Variants in CHRM3 observed in about 807,000 individuals in gnomAD.
CHRM3 encodes muscarinic acetylcholine receptor M3.
Under a neutral mutation model 41.8 loss-of-function variants are expected in CHRM3, and 11 were observed. That is an observed-to-expected ratio of 0.26 (90% confidence interval 0.17 to 0.44). CHRM3 has a LOEUF of 0.44. Ranked by LOEUF, CHRM3 falls within the 20% of genes least tolerant of loss-of-function variation. CHRM3 has a pLI of 1.00. For synonymous variants in CHRM3, 297 were observed against 301.4 expected, an observed-to-expected ratio of 0.99 and a Z score of 0.15; for missense variants, 571 against 745.4, an observed-to-expected ratio of 0.77 and a Z score of 2.72.
rs368063519 is a variant in CHRM3, at chr1:239,771,288, T to G, written c.-146-55964T>G. Among the ~76,000 whole-genome samples the G allele has an allele frequency of 1.3e-4, 20 of 152,284 alleles. 2 individuals are homozygous for G. Among genetic ancestry groups the G allele is most frequent in the African/African-American group, 4.6e-4 (19 of 41,560 alleles). On this transcript the variant is annotated intron_variant, in intron 5 of 6. Coordinates refer to ENST00000676153, the MANE Select transcript of CHRM3 (RefSeq NM_001375978.1). The stretch of plus-strand genomic sequence containing the variant: ...AAATATCTCTTCAGTTCTAGCCTCC[T>G]TCCGTTTGCACCTTTGGGCTTGCCT...
At chr1:239,432,518 G>A (rs1029703764) in intron 1 of CHRM3, among the ~76,000 whole-genome samples, 7 of 152,190 alleles carry the variant, frequency 4.6e-5, no homozygotes, top group Non-Finnish European at 8.8e-5. Flanking sequence ...TGTAGATGAT[G>A]AGCAGAGTTG....
chr1:239,821,549 G>A (rs1329105741), intron 5 of CHRM3, among the ~76,000 whole-genome samples: 1 of 152,164 alleles, frequency 6.6e-6, no homozygotes, highest in Non-Finnish European at 1.5e-5. Context: ...GGAACCAAGT[G>A]GCAGGGGCCC....
At chr1:239,669,805 T>C (rs1674179411) in intron 4 of CHRM3, among the ~76,000 whole-genome samples, 1 of 152,194 alleles carries the variant, frequency 6.6e-6, no homozygotes. Flanking sequence ...TACAAGCATA[T>C]TCAAAAGCAG....
At chr1:239,577,175 A>G (rs567321831) in intron 3 of CHRM3, among the ~76,000 whole-genome samples, 1 of 152,096 alleles carries the variant, frequency 6.6e-6, no homozygotes, top group South Asian at 2.1e-4. Flanking sequence ...TGTGTTGTCT[A>G]CTATTTTCTT....
At chr1:239,412,840 G>A (rs930666975) in intron 1 of CHRM3, among the ~76,000 whole-genome samples, 5 of 151,902 alleles carry the variant, frequency 3.3e-5, no homozygotes, top group African/African-American at 1.2e-4. Flanking sequence ...TCAGACTTTG[G>A]GAGGTCGAGG....
At chr1:239,807,183 T>C (rs1018577720) in intron 5 of CHRM3, among the ~76,000 whole-genome samples, 3 of 152,254 alleles carry the variant, frequency 2.0e-5, no homozygotes, top group Non-Finnish European at 2.9e-5. Flanking sequence ...TGGAAGATTA[T>C]GTGACTTTTT....
chr1:239,792,480 C>T lies in CHRM3; in HGVS notation c.-146-34772C>T, dbSNP rs534562716. ...AGAGAAAAAAAGTCACTTGCTCTCA[C>T]ATAGATCCAAGTCAAAACAAACCCT... On this transcript the variant is annotated intron_variant, in intron 5 of 6. Transcript: ENST00000676153. Among the ~76,000 whole-genome samples, 213 of 152,328 alleles carry T rather than the reference C, an allele frequency of 1.4e-3. 1 individual carries two copies. Among genetic ancestry groups the T allele is most frequent in the Non-Finnish European group, 2.4e-3 (161 of 68,030 alleles).
In CHRM3 at chr1:239,907,783, C is replaced by T. The variant is rs746011951; in HGVS notation, c.332C>T (p.Ala111Val). 6.2e-7 allele frequency: 1 copy of T among 1,614,186 alleles called. No homozygotes were observed. The highest frequency in any genetic ancestry group is 1.1e-5 in the South Asian group (1 of 91,078). The change falls in exon 7 of 7, where the codon GCC becomes GTC. Residue 111 changes from alanine to valine, a missense_variant. This residue lies in a region of CHRM3 where 153 missense variants were observed against 296.3 expected (regional missense o/e 0.52). Transcript: ENST00000676153. The surrounding 1 kb of genome is among the most constrained non-coding windows in gnomAD (Gnocchi z 5.4). ...AACAACTACTTCCTCTTAAGCCTGG[C>T]CTGTGCCGATCTGATTATCGGGGTC... ...TVNNYFLLSL[A>V]CADLIIGVIS... is the part of the protein sequence containing the mutation.
chr1:239,482,456 C>A (rs1048251383), intron 1 of CHRM3, among the ~76,000 whole-genome samples: 2 of 152,184 alleles, frequency 1.3e-5, no homozygotes, highest in African/African-American at 4.8e-5. Context: ...TCTGGTTGAG[C>A]TATAGTTTCT....
chr1:239,843,852 T>C (rs1197490720), intron 6 of CHRM3, among the ~76,000 whole-genome samples: 1 of 152,036 alleles, frequency 6.6e-6, no homozygotes, highest in East Asian at 1.9e-4. Context: ...TCTCTGAAAC[T>C]GTGTATATGT....
At position 239,609,483 on chromosome 1, in the gene CHRM3, A is replaced by G. The variant is rs187229116; in HGVS notation, c.-312-22741A>G. On this transcript the variant is annotated intron_variant, in intron 3 of 6. Coordinates refer to ENST00000676153, the MANE Select transcript of CHRM3 (RefSeq NM_001375978.1). ...CTGCATACATGTCTATGTGTGGAAA[A>G]AGGCTGTCATTTCTTAGGCAAATAC... is the stretch of plus-strand genomic sequence containing the variant. Among the ~76,000 whole-genome samples the G allele has an allele frequency of 1.9e-4, 29 of 152,324 alleles. No individual in the cohort carries two copies. The East Asian group carries it at 4.4e-3, about 23-fold the overall frequency.
At chr1:239,593,619 T>A (rs1055038737) in intron 3 of CHRM3, among the ~76,000 whole-genome samples, 4 of 152,094 alleles carry the variant, frequency 2.6e-5, no homozygotes, top group African/African-American at 9.7e-5. Flanking sequence ...CTAAGAGTAG[T>A]TCAATACGGT....
rs1206307917 is a variant in CHRM3 at position 239,909,406 on chromosome 1, C to T, written c.*182C>T. The T allele has an allele frequency of 2.1e-6, 1 of 485,592 alleles. No homozygotes were observed. Among genetic ancestry groups the T allele is most frequent in the East Asian group, 3.3e-5 (1 of 30,154 alleles). The allele number at this position is 485,592 out of a possible 1,614,324, so 30.1% of individuals were successfully genotyped here. Reference sequence around the variant, plus strand: ...CCCATTTTAATAGAAAAAGTCAATACCAATTCAGCAAAAAGAAAAAAAAAA... The same window carrying T: ...CCCATTTTAATAGAAAAAGTCAATATCAATTCAGCAAAAAGAAAAAAAAAA... On this transcript the variant is annotated 3_prime_UTR_variant, in exon 7 of 7. Transcript: ENST00000676153.
At chr1:239,810,494 G>T (rs901620897) in intron 5 of CHRM3, among the ~76,000 whole-genome samples, 6 of 152,174 alleles carry the variant, frequency 3.9e-5, no homozygotes, top group African/African-American at 1.4e-4. Context: ...TCATTGAGGG[G>T]AACAAGCCTG....
At chr1:239,393,374 G>A (rs998139344) in intron 1 of CHRM3, among the ~76,000 whole-genome samples, 1 of 152,208 alleles carries the variant, frequency 6.6e-6, no homozygotes, top group East Asian at 1.9e-4. Flanking sequence ...TGTTGTGGGA[G>A]GTCTCTCAAA....
intron 3 of CHRM3, among the ~76,000 whole-genome samples, chr1:239,578,060 G>A (rs1244948773): frequency 6.6e-6 from 1 of 152,148 alleles, no homozygotes; most frequent in African/African-American, 2.4e-5. Context: ...AAAACTAATG[G>A]TTTGATTTTC....
chr1:239,426,390 A>G (rs935521232), intron 1 of CHRM3, among the ~76,000 whole-genome samples: 2 of 151,070 alleles, frequency 1.3e-5, no homozygotes, highest in Non-Finnish European at 2.9e-5. Flanking sequence ...AATGCTACAA[A>G]TCAAGGCTTT....
intron 5 of CHRM3, among the ~76,000 whole-genome samples, chr1:239,766,066 G>C (rs1667179889): frequency 6.6e-6 from 1 of 152,002 alleles, no homozygotes; most frequent in Admixed American, 6.6e-5. Flanking sequence ...CACCCGCCTT[G>C]GTCTCCCAAA....
At chr1:239,641,321 GT>G (rs1671127146) in intron 4 of CHRM3, among the ~76,000 whole-genome samples, 1 of 151,518 alleles carries the variant, frequency 6.6e-6, no homozygotes, top group African/African-American at 2.4e-5. Flanking sequence ...GGATATCCTT[GT>G]TAACTTTCTG....
Sources: allele counts gnomAD v4.1 joint callset (sites outside exome capture counted in the v4.1 genomes callset), GRCh38; gene constraint gnomAD v4.1.1; regional missense constraint gnomAD v4.1.1; non-coding constraint Gnocchi (gnomAD v3.1); transcripts MANE v1.5; gene names NCBI Gene and HGNC (gene_info 2026-07-23, HGNC 2026-07-21).